ADGRB3: variants seen among roughly 807,000 people sequenced by gnomAD.
ADGRB3 encodes the protein adhesion G protein-coupled receptor B3.
A neutral mutation model predicts 193.4 loss-of-function variants in ADGRB3; 37 were observed. The ratio of observed to expected loss-of-function variants is 0.19; its 90% CI spans 0.15 to 0.25. The LOEUF (loss-of-function observed/expected upper bound fraction) is 0.25, where lower values mean the gene tolerates loss of function less well. Ranked by LOEUF, ADGRB3 falls within the 10% of genes least tolerant of loss-of-function variation. ADGRB3 has a pLI of 1.00. For synonymous variants in ADGRB3, 690 were observed against 644.2 expected, an observed-to-expected ratio of 1.07 and a Z score of -1.08; for missense variants, 1,637 against 1,852.9, an observed-to-expected ratio of 0.88 and a Z score of 2.14.
chr6:68,765,412 A>T lies in ADGRB3; in HGVS notation c.757+125980A>T, dbSNP rs115811989. On this transcript the variant is annotated intron_variant, in intron 3 of 31. Transcript: ENST00000370598. ...ATAGGCATTAAAGATCATCAAAGAC[A>T]TTTTATCCGCCTATTAACACCGATC... 1.7e-3 allele frequency among the ~76,000 whole-genome samples: 257 copies of T among 152,204 alleles called. 1 individual carries two copies. Among genetic ancestry groups the T allele is most frequent in the African/African-American group, 6.0e-3 (251 of 41,562 alleles).
intron 20 of ADGRB3, among the ~76,000 whole-genome samples, chr6:69,303,756 C>A (rs1390923150): frequency 1.3e-5 from 2 of 151,884 alleles, no homozygotes; most frequent in African/African-American, 4.8e-5. Flanking sequence ...ATAAAACTGA[C>A]CTATCTCTAA....
intron 3 of ADGRB3, among the ~76,000 whole-genome samples, chr6:68,659,146 C>T (rs988084366): frequency 6.6e-6 from 1 of 150,952 alleles, no homozygotes; most frequent in Non-Finnish European, 1.5e-5. Flanking sequence ...TCCATTCTAA[C>T]TAAAATAATT....
At chr6:69,332,616 C>G (rs1768754402) in intron 23 of ADGRB3, 3 of 985,406 alleles carry the variant, frequency 3.0e-6, no homozygotes, top group Non-Finnish European at 3.6e-6. Context: ...TTGACTCAGA[C>G]AGAAGAATGC....
intron 3 of ADGRB3, among the ~76,000 whole-genome samples, chr6:68,848,135 AT>A (rs1295999346): frequency 6.6e-6 from 1 of 152,090 alleles, no homozygotes; most frequent in Non-Finnish European, 1.5e-5. Context: ...TTTTAAAAGG[AT>A]TAAAAACTTT....
intron 3 of ADGRB3, among the ~76,000 whole-genome samples, chr6:68,929,466 AC>A (rs1264845424): frequency 6.6e-6 from 1 of 152,158 alleles, no homozygotes; most frequent in Non-Finnish European, 1.5e-5. Context: ...ATTAGTGCTT[AC>A]AAGATACACA....
intron 31 of ADGRB3, among the ~76,000 whole-genome samples, chr6:69,386,913 T>C (rs932309420): frequency 1.3e-5 from 2 of 152,102 alleles, no homozygotes; most frequent in African/African-American, 4.8e-5. Context: ...TGTTTTAACC[T>C]CCATTTAACT....
At chr6:68,823,159 A>G (rs773253170) in intron 3 of ADGRB3, among the ~76,000 whole-genome samples, 10 of 152,140 alleles carry the variant, frequency 6.6e-5, no homozygotes, top group Non-Finnish European at 1.3e-4. Context: ...TTTAGAACAA[A>G]GAAATTCTAT....
intron 17 of ADGRB3, among the ~76,000 whole-genome samples, chr6:69,195,967 A>G (rs1479087840): frequency 6.6e-6 from 1 of 152,158 alleles, no homozygotes; most frequent in East Asian, 1.9e-4. Flanking sequence ...CATGAGCATA[A>G]TAATTCATGG....
At chr6:69,336,649 C>CTACCCTGG (rs1234508669) in intron 24 of ADGRB3, among the ~76,000 whole-genome samples, 1 of 151,976 alleles carries the variant, frequency 6.6e-6, no homozygotes, top group Admixed American at 6.6e-5. Context: ...TAATGTGATC[C>CTACCCTGG]TACCCTGGTG....
At chr6:69,202,994 A>G (rs1004403671) in intron 17 of ADGRB3, among the ~76,000 whole-genome samples, 3 of 152,166 alleles carry the variant, frequency 2.0e-5, no homozygotes, top group South Asian at 4.1e-4. Context: ...GTTCATAATC[A>G]TAACAGCAAA....
intron 17 of ADGRB3, among the ~76,000 whole-genome samples, chr6:69,111,820 T>TAA (rs370814863): frequency 5.3e-5 from 8 of 152,258 alleles, no homozygotes; most frequent in Admixed American, 5.2e-4. Flanking sequence ...ACCATCAGCT[T>TAA]AAAAAAACCC....
chr6:69,311,217 A>T (rs1420320339), intron 20 of ADGRB3, among the ~76,000 whole-genome samples: 1 of 151,806 alleles, frequency 6.6e-6, no homozygotes, highest in Admixed American at 6.6e-5. Flanking sequence ...TTCTTATGTT[A>T]CAAGGAGTGT....
At chr6:68,664,695 A>G (rs1768756316) in intron 3 of ADGRB3, among the ~76,000 whole-genome samples, 1 of 151,836 alleles carries the variant, frequency 6.6e-6, no homozygotes, top group African/African-American at 2.4e-5. Context: ...CTTCTGGCCT[A>G]TATAAGAAAG....
At chr6:68,950,503 G>A (rs772538729) in intron 6 of ADGRB3, among the ~76,000 whole-genome samples, 21 of 152,012 alleles carry the variant, frequency 1.4e-4, no homozygotes, top group Non-Finnish European at 2.4e-4. Context: ...TGCAGTACTC[G>A]CTGCTTTGTG....
In ADGRB3 at chr6:68,865,320, T is replaced by C. The variant is rs571479624; in HGVS notation, c.758-65239T>C. On this transcript the variant is annotated intron_variant, in intron 3 of 31. Coordinates refer to ENST00000370598, the MANE Select transcript of ADGRB3 (RefSeq NM_001704.3). Reference sequence around the variant, plus strand: ...AATCCCAATTGATTAAAATTACATTTTCTCTTTTTTCCCAAGCACAAACTT... The same window carrying C: ...AATCCCAATTGATTAAAATTACATTCTCTCTTTTTTCCCAAGCACAAACTT... Among the ~76,000 whole-genome samples the C allele has an allele frequency of 2.0e-5, 3 of 152,270 alleles. No homozygotes were observed. In the East Asian group the frequency reaches 5.8e-4, roughly 29 times the overall value.
chr6:68,843,109 A>G (rs2127388077), intron 3 of ADGRB3, among the ~76,000 whole-genome samples: 1 of 151,968 alleles, frequency 6.6e-6, no homozygotes, highest in African/African-American at 2.4e-5. Context: ...CCTTTCCTCT[A>G]AGATCTGAAA....
chr6:69,212,531 A>T (rs1582549575), intron 17 of ADGRB3, among the ~76,000 whole-genome samples: 1 of 152,284 alleles, frequency 6.6e-6, no homozygotes, highest in East Asian at 1.9e-4. Context: ...AAAAGAAAAA[A>T]AAAATAAAGG....
chr6:69,052,412 T>G (rs1771425698), intron 15 of ADGRB3, among the ~76,000 whole-genome samples: 1 of 152,226 alleles, frequency 6.6e-6, no homozygotes. Context: ...ATTTACAAAG[T>G]TTTATAAAAT....
chr6:69,056,442 G>A (rs973467075), intron 15 of ADGRB3, among the ~76,000 whole-genome samples: 1 of 152,008 alleles, frequency 6.6e-6, no homozygotes, highest in African/African-American at 2.4e-5. Flanking sequence ...TCTACTCACT[G>A]TTTTCTTTCC....
Sources: gnomAD v4.1 joint callset for allele counts (sites outside exome capture counted in the v4.1 genomes callset) on GRCh38, gnomAD v4.1.1 for gene constraint, MANE v1.5 for transcripts, NCBI Gene and HGNC (gene_info 2026-07-23, HGNC 2026-07-21) for gene names.